The following TUNAR variants were observed in gnomAD, a reference collection of about 807,000 sequenced individuals.
TUNAR encodes the protein transmembrane neural differentiation associated intracellular calcium regulator, also known as protein TUNAR.
intron 2 of TUNAR, among the ~76,000 whole-genome samples, chr14:95,905,581 T>C (rs934676106): frequency 6.6e-6 from 1 of 152,216 alleles, no homozygotes; most frequent in African/African-American, 2.4e-5. Flanking sequence ...ACTGGTGACA[T>C]TGACCTCGAT....
At chr14:95,923,438 C>T (rs900483792) in exon 3 of TUNAR, 4 of 153,216 alleles carry the variant, frequency 2.6e-5, no homozygotes, top group African/African-American at 9.6e-5. Context: ...GCATCCCATT[C>T]ATCAAAAGTG....
exon 3 of TUNAR, chr14:95,925,415 A>G (rs1566794934): frequency 6.6e-6 from 1 of 152,242 alleles, no homozygotes; most frequent in South Asian, 2.1e-4. Context: ...GCAGAATATC[A>G]TACACTAAGG....
chr14:95,907,957 G>A (rs927051884), intron 2 of TUNAR, among the ~76,000 whole-genome samples: 1 of 152,202 alleles, frequency 6.6e-6, no homozygotes, highest in Non-Finnish European at 1.5e-5. Flanking sequence ...GACCTCAGAG[G>A]AGAGGAAGTG....
chr14:95,883,778 T>C (rs560956899), intron 2 of TUNAR, among the ~76,000 whole-genome samples: 1 of 152,278 alleles, frequency 6.6e-6, no homozygotes, highest in Admixed American at 6.5e-5. Flanking sequence ...ATTGGGTCAC[T>C]GCAGGTTTTT....
intron 2 of TUNAR, among the ~76,000 whole-genome samples, chr14:95,904,366 TAGGC>T (rs1230996639): frequency 6.6e-6 from 1 of 151,946 alleles, no homozygotes; most frequent in Non-Finnish European, 1.5e-5. Flanking sequence ...GTGCTGGTGA[TAGGC>T]AGAGCACAGT....
chr14:95,925,546 CAAT>C (rs1889774621), exon 3 of TUNAR: 1 of 151,824 alleles, frequency 6.6e-6, no homozygotes, highest in South Asian at 2.1e-4. Context: ...ACAGAATAAA[CAAT>C]AAAGGTGCAA....
At chr14:95,907,976 T>C (rs1889451249) in intron 2 of TUNAR, among the ~76,000 whole-genome samples, 1 of 152,318 alleles carries the variant, frequency 6.6e-6, no homozygotes, top group East Asian at 1.9e-4. Flanking sequence ...TGTGTGTCAG[T>C]TGGTCCATGG....
chr14:95,885,689 A>G (rs1337857512), intron 2 of TUNAR, among the ~76,000 whole-genome samples: 4 of 152,090 alleles, frequency 2.6e-5, no homozygotes, highest in African/African-American at 9.7e-5. Context: ...TGAATGCTAG[A>G]TTAAGGAGGG....
At chr14:95,892,144 A>G (rs1035225317) in intron 2 of TUNAR, among the ~76,000 whole-genome samples, 6 of 152,238 alleles carry the variant, frequency 3.9e-5, no homozygotes, top group Admixed American at 2.0e-4. Flanking sequence ...CAGGTCCCCT[A>G]TGACACTGAG....
chr14:95,894,582 CTG>C (rs1171813571), intron 2 of TUNAR, among the ~76,000 whole-genome samples: 2 of 152,216 alleles, frequency 1.3e-5, no homozygotes, highest in Non-Finnish European at 2.9e-5. Context: ...TTGGTGTAAA[CTG>C]TTCCCAATCG....
chr14:95,883,622 T>A (rs1207265451), intron 2 of TUNAR, among the ~76,000 whole-genome samples: 1 of 152,192 alleles, frequency 6.6e-6, no homozygotes, highest in Non-Finnish European at 1.5e-5. Flanking sequence ...AGGATTTAGC[T>A]GTTGCATACT....
chr14:95,910,590 G>A (rs1030713526), intron 2 of TUNAR, among the ~76,000 whole-genome samples: 5 of 152,204 alleles, frequency 3.3e-5, no homozygotes, highest in African/African-American at 9.7e-5. Context: ...GTGAACCTTC[G>A]TTGATCAGAC....
chr14:95,917,673 C>T (rs1283862880), intron 2 of TUNAR, among the ~76,000 whole-genome samples: 4 of 152,144 alleles, frequency 2.6e-5, no homozygotes, highest in Non-Finnish European at 5.9e-5. Context: ...GCTTTTATGT[C>T]TTTCAGTAAA....
chr14:95,877,258 C>T (rs1318015169), intron 2 of TUNAR, 81 bp downstream of exon 1: 1 of 152,276 alleles, frequency 6.6e-6, no homozygotes, highest in Non-Finnish European at 1.5e-5. Flanking sequence ...TCCTACCCTC[C>T]TTCCCCACTT....
intron 2 of TUNAR, among the ~76,000 whole-genome samples, chr14:95,886,622 C>T (rs898235363): frequency 6.6e-6 from 1 of 152,234 alleles, no homozygotes; most frequent in Non-Finnish European, 1.5e-5. Flanking sequence ...GGAGGGTTCC[C>T]TGCCCCAGGA....
At chr14:95,907,488 T>G (rs1889444978) in intron 2 of TUNAR, among the ~76,000 whole-genome samples, 2 of 152,300 alleles carry the variant, frequency 1.3e-5, no homozygotes, top group Non-Finnish European at 2.9e-5. Flanking sequence ...TATGGGATCT[T>G]TAGAATGTTG....
At chr14:95,921,551 TAC>T (rs1889697083) in intron 2 of TUNAR, among the ~76,000 whole-genome samples, 1 of 152,236 alleles carries the variant, frequency 6.6e-6, no homozygotes, top group Non-Finnish European at 1.5e-5. Flanking sequence ...TTGCAATACA[TAC>T]CATGCATACA....
At chr14:95,907,154 C>T (rs1320909618) in intron 2 of TUNAR, among the ~76,000 whole-genome samples, 6 of 152,190 alleles carry the variant, frequency 3.9e-5, no homozygotes, top group Non-Finnish European at 7.3e-5. Context: ...GCCACCACAT[C>T]GTACTCTGTG....
intron 2 of TUNAR, among the ~76,000 whole-genome samples, chr14:95,921,739 A>T (rs975032847): frequency 2.0e-5 from 3 of 152,176 alleles, no homozygotes; most frequent in Admixed American, 6.5e-5. Flanking sequence ...GGTGCTAATC[A>T]TTCCATTACT....
Sources: gnomAD v4.1 joint callset for allele counts (sites outside exome capture counted in the v4.1 genomes callset) on GRCh38, gnomAD v4.1.1 for gene constraint, MANE v1.5 for transcripts, NCBI Gene and HGNC (gene_info 2026-07-23, HGNC 2026-07-21) for gene names.